The following HSP90AA1 variants were observed in gnomAD, a reference collection of about 807,000 sequenced individuals.
HSP90AA1 encodes the protein heat shock protein 90 alpha family class A member 1, also known as heat shock protein HSP 90-alpha.
Under a neutral mutation model 73.3 loss-of-function variants are expected in HSP90AA1, and 18 were observed. The ratio of observed to expected loss-of-function variants is 0.25; its 90% CI spans 0.17 to 0.36. The LOEUF is 0.36. Among genes scored for constraint, HSP90AA1 ranks in the 10% least tolerant of loss-of-function variants. HSP90AA1 has a pLI of 1.00. For synonymous variants in HSP90AA1, 477 were observed against 296.9 expected (o/e 1.61, Z -6.24); for missense variants, 704 against 874.2 (o/e 0.81, Z 2.45).
rs1224108660 is a variant in HSP90AA1 at position 102,086,440 on chromosome 14, C to T, written c.1-62G>A. The stretch of plus-strand genomic sequence containing the variant: ...ACGTCTACAGAGGCAACACGAAATT[C>T]CATCGCGTTCTCCAAATATTTTTAA... On this transcript the variant is annotated intron_variant, in intron 1 of 10. Coordinates refer to ENST00000216281, the MANE Select transcript of HSP90AA1 (RefSeq NM_005348.4). 1.0e-5 allele frequency: 16 copies of T among 1,536,442 alleles called. 1 individual carries two copies. The highest frequency in any genetic ancestry group is 8.2e-5 in the African/African-American group (6 of 73,390).
chr14:102,105,760 C>T (rs2049559616), intron 1 of HSP90AA1, among the ~76,000 whole-genome samples: 1 of 152,110 alleles, frequency 6.6e-6, no homozygotes, highest in African/African-American at 2.4e-5. Context: ...CAAGTCTGGA[C>T]ACATGGAGAC....
chr14:102,117,268 C>G (rs182811831), intron 1 of HSP90AA1, among the ~76,000 whole-genome samples: 3 of 152,220 alleles, frequency 2.0e-5, no homozygotes, highest in Non-Finnish European at 4.4e-5. Context: ...CCCAGTGAAG[C>G]ACCACCTTCA....
intron 1 of HSP90AA1, among the ~76,000 whole-genome samples, chr14:102,128,453 C>T (rs1465344282): frequency 1.3e-5 from 2 of 151,960 alleles, no homozygotes; most frequent in East Asian, 3.9e-4. Flanking sequence ...CATGATGAAA[C>T]CCCATCTCTA....
exon 1 of HSP90AA1, chr14:102,139,262 G>A: frequency 6.2e-7 from 1 of 1,614,136 alleles, no homozygotes; most frequent in South Asian, 1.1e-5. Context: ...TCTCAGAAAC[G>A]GCGGCGAGGA....
Position 102,083,905 on chromosome 14 carries a change from A to C in HSP90AA1, c.1226T>G (p.Leu409Trp). The change falls in exon 7 of 11, where the codon TTG becomes TGG. Residue 409 changes from leucine (L) to tryptophan (W), a missense_variant. By Grantham distance (61) the Leu-to-Trp change is moderately conservative. Coordinates refer to ENST00000216281, the MANE Select transcript of HSP90AA1 (RefSeq NM_005348.4). ...SREMLQQSKI[L>W]KVIRKNLVKK... ...GACCAAATTCTTCCTGATAACTTTCAAAATTTTGCTTTGTTGCAACATCTC... is the reference window on the plus strand; with the variant it reads ...GACCAAATTCTTCCTGATAACTTTCCAAATTTTGCTTTGTTGCAACATCTC... 6.2e-7 allele frequency: 1 copy of C among 1,614,102 alleles called. No individual in the cohort carries two copies. Among genetic ancestry groups the C allele is most frequent in the Non-Finnish European group, 8.5e-7 (1 of 1,179,964 alleles).
rs147652416 is a variant in HSP90AA1, at chr14:102,134,849, T to G, written c.155+4401A>C. Among the ~76,000 whole-genome samples, 140 of 152,288 alleles carry G rather than the reference T, an allele frequency of 9.2e-4. 1 individual carries two copies. The highest frequency in any genetic ancestry group is 3.3e-3 in the African/African-American group (137 of 41,554). The stretch of plus-strand genomic sequence containing the variant: ...ACCCGAGCGGGTTGCCAATGCTAGC[T>G]CGGGCAGCCTGCTTTTATTCTCTTA... On this transcript the variant is annotated intron_variant, in intron 1 of 11. Coordinates refer to the HSP90AA1 transcript ENST00000334701.
At chr14:102,106,486 G>A (rs997498220) in intron 1 of HSP90AA1, among the ~76,000 whole-genome samples, 3 of 151,486 alleles carry the variant, frequency 2.0e-5, no homozygotes, top group African/African-American at 7.3e-5. Flanking sequence ...GATGAAAAGA[G>A]GGAAGTAGTA....
At chr14:102,084,192 G>A in intron 6 of HSP90AA1, 1 of 672,956 alleles carries the variant, frequency 1.5e-6, no homozygotes. Flanking sequence ...TCATGCCTCA[G>A]CCTGCCACTA....
intron 1 of HSP90AA1, among the ~76,000 whole-genome samples, chr14:102,124,424 C>T (rs1418880968): frequency 1.3e-5 from 2 of 152,108 alleles, no homozygotes; most frequent in African/African-American, 4.8e-5. Context: ...AACTCCTAAC[C>T]TCAGGTGATC....
chr14:102,087,951 C>CTT (rs71116878), upstream of HSP90AA1, among the ~76,000 whole-genome samples: 1,777 of 92,848 alleles, frequency 0.019, 32 homozygotes, highest in African/African-American at 0.054. Flanking sequence ...TTTTTTTTTT[C>CTT]TTTTTTTTTT....
chr14:102,101,319 T>A (rs529106032), intron 2 of HSP90AA1, among the ~76,000 whole-genome samples: 1 of 152,300 alleles, frequency 6.6e-6, no homozygotes, highest in African/African-American at 2.4e-5. Flanking sequence ...GTTCCTCCAA[T>A]GCTCAGCCCC....
intron 1 of HSP90AA1, among the ~76,000 whole-genome samples, chr14:102,133,152 C>T (rs1055869693): frequency 2.0e-5 from 3 of 150,794 alleles, no homozygotes; most frequent in Non-Finnish European, 3.0e-5. Flanking sequence ...TGGTAGTAGG[C>T]GCCTGTAGTC....
chr14:102,137,930 G>A (rs1338534680), intron 1 of HSP90AA1, among the ~76,000 whole-genome samples: 1 of 151,410 alleles, frequency 6.6e-6, no homozygotes, highest in African/African-American at 2.4e-5. Context: ...CAGGAGAATC[G>A]CTTGAACCTG....
intron 1 of HSP90AA1, among the ~76,000 whole-genome samples, chr14:102,122,717 G>A (rs2049793597): frequency 1.3e-5 from 2 of 151,546 alleles, no homozygotes; most frequent in South Asian, 2.1e-4. Flanking sequence ...GCCCAGGCTG[G>A]AGCGCAAGGG....
rs991758025 is a variant in HSP90AA1, at chr14:102,082,335, T to C, written c.1865A>G (p.Asn622Ser). 5.6e-6 allele frequency: 9 copies of C among 1,613,848 alleles called. No homozygotes were observed. The highest frequency in any genetic ancestry group is 2.7e-5 in the African/African-American group (2 of 74,914). The change falls in exon 10 of 11, where the codon AAC becomes AGC. Residue 622 changes from asparagine (N) to serine (S), a missense_variant. By Grantham distance (46) the Asn-to-Ser change is conservative. Transcript: ENST00000216281. ...TGCTGCCATGTAACCCATTGTTGAG[T>C]TGTCTCTTAGGGCTTGAGCTTTCAT... ...RIMKAQALRD[N>S]STMGYMAAKK...
intron 1 of HSP90AA1, among the ~76,000 whole-genome samples, chr14:102,115,886 G>T (rs1027034169): frequency 2.0e-5 from 3 of 152,046 alleles, no homozygotes; most frequent in Admixed American, 2.0e-4. Context: ...TGGGATATAG[G>T]CACCTGCCAC....
chr14:102,113,842 C>T (rs2152622471), intron 1 of HSP90AA1, among the ~76,000 whole-genome samples: 1 of 152,264 alleles, frequency 6.6e-6, no homozygotes, highest in African/African-American at 2.4e-5. Context: ...TCTGGAATAG[C>T]TGGGACTACA....
chr14:102,081,837 A>G lies in HSP90AA1; in HGVS notation c.2090-16T>C, dbSNP rs529939937. On this transcript the variant is annotated splice_polypyrimidine_tract_variant and intron_variant, in intron 10 of 10. Transcript: ENST00000216281. The stretch of plus-strand genomic sequence containing the variant: ...TCATCAATACCTGTTTCCAAAATAA[A>G]ATCCTCATATTACAAAGATTTCTTA... The G allele has an allele frequency of 1.7e-6, 2 of 1,170,788 alleles. No individual in the cohort carries two copies. Among genetic ancestry groups the G allele is most frequent in the Non-Finnish European group, 2.6e-6 (2 of 775,508 alleles). 72.5% of individuals were successfully genotyped at this position (1,170,788 alleles called of 1,614,324 possible). A position where few individuals can be genotyped will look rare whatever the true frequency, so the allele number is the denominator to read the frequency against.
chr14:102,108,960 T>C (rs1242314226), intron 1 of HSP90AA1, among the ~76,000 whole-genome samples: 2 of 152,214 alleles, frequency 1.3e-5, no homozygotes, highest in Non-Finnish European at 2.9e-5. Flanking sequence ...TTTCATTTAT[T>C]TTAATTTTTA....
Sources: gnomAD v4.1 joint callset for allele counts (sites outside exome capture counted in the v4.1 genomes callset) on GRCh38, gnomAD v4.1.1 for gene constraint, MANE v1.5 for transcripts, NCBI Gene and HGNC (gene_info 2026-07-23, HGNC 2026-07-21) for gene names.